OR6N1: variants seen among roughly 807,000 people sequenced by gnomAD.
OR6N1 encodes olfactory receptor family 6 subfamily N member 1, also known as olfactory receptor 6N1.
For synonymous variants in OR6N1, 170 were observed against 150.7 expected, an observed-to-expected ratio of 1.13 and a Z score of -0.94; for missense variants, 394 against 371.7, an observed-to-expected ratio of 1.06 and a Z score of -0.49.
chr1:158,788,451 TA>T, the OR6N1 span, among the ~76,000 whole-genome samples: 1 of 152,170 alleles, frequency 6.6e-6, no homozygotes, highest in Non-Finnish European at 1.5e-5. Context: ...CATGTATTTA[TA>T]TTTTTAATAT....
chr1:158,780,479 G>A, the OR6N1 span, among the ~76,000 whole-genome samples: 3 of 152,222 alleles, frequency 2.0e-5, no homozygotes, highest in South Asian at 2.1e-4. Context: ...GATGCTCCTC[G>A]ACTTACAAAG....
At chr1:158,824,415 G>T in the OR6N1 span, among the ~76,000 whole-genome samples, 1 of 152,176 alleles carries the variant, frequency 6.6e-6, no homozygotes, top group South Asian at 2.1e-4. Context: ...TTTATTAGCA[G>T]CATGAAAACG....
the OR6N1 span, among the ~76,000 whole-genome samples, chr1:158,803,675 G>A: frequency 6.6e-6 from 1 of 152,206 alleles, no homozygotes; most frequent in Non-Finnish European, 1.5e-5. Flanking sequence ...GGCATTGACT[G>A]AATAAATTAC....
chr1:158,766,741 T>C, intron 1 of OR6N1, 41 bp from the exon 2 acceptor site: 2 of 1,310,198 alleles, frequency 1.5e-6, no homozygotes, highest in South Asian at 1.4e-5. Context: ...AAAGTTGAAC[T>C]ATAGGGTTCT....
At chr1:158,791,261 T>C in the OR6N1 span, among the ~76,000 whole-genome samples, 1 of 152,204 alleles carries the variant, frequency 6.6e-6, no homozygotes, top group African/African-American at 2.4e-5. Context: ...CTTTTAGCAC[T>C]GTGTTTGCTC....
At chr1:158,808,032 C>G in the OR6N1 span, among the ~76,000 whole-genome samples, 1 of 151,160 alleles carries the variant, frequency 6.6e-6, no homozygotes, top group Admixed American at 6.6e-5. Flanking sequence ...AGCCAACCAG[C>G]TGATTCTCAC....
At chr1:158,793,449 A>T in the OR6N1 span, among the ~76,000 whole-genome samples, 1 of 152,048 alleles carries the variant, frequency 6.6e-6, no homozygotes, top group East Asian at 1.9e-4. Flanking sequence ...TGAGTTTTTT[A>T]AATTTATATT....
chr1:158,815,362 T>C, the OR6N1 span, among the ~76,000 whole-genome samples: 1 of 152,280 alleles, frequency 6.6e-6, no homozygotes, highest in African/African-American at 2.4e-5. Flanking sequence ...TGTCAATTAA[T>C]GTGAGCCAAG....
the OR6N1 span, among the ~76,000 whole-genome samples, chr1:158,803,552 C>T: frequency 6.6e-6 from 1 of 152,136 alleles, no homozygotes; most frequent in East Asian, 1.9e-4. Flanking sequence ...TTTATTCCTC[C>T]CTATATCACA....
In OR6N1 at chr1:158,766,296, G is replaced by C. The variant is rs776813334; in HGVS notation, c.387C>G (p.Pro129=). 1.9e-6 allele frequency: 3 copies of C among 1,613,936 alleles called. No homozygotes were observed. The East Asian group carries it at 6.7e-5, about 36-fold the overall frequency. Residue 129 remains proline (P), a synonymous_variant, in exon 2 of 2, where the codon CCC becomes CCG. Coordinates refer to ENST00000641846, the MANE Select transcript of OR6N1 (RefSeq NM_001005185.2). ...GGGTCATGAGGGTTGGGTAGTGGAGGGGCCGGCAGATGGCTAAATACCTAT... is the reference window on the plus strand; with the variant it reads ...GGGTCATGAGGGTTGGGTAGTGGAGCGGCCGGCAGATGGCTAAATACCTAT... The part of the protein sequence containing the change: ...AYDRYLAICR[P]LHYPTLMTPT...
the OR6N1 span, among the ~76,000 whole-genome samples, chr1:158,824,994 G>A: frequency 6.6e-6 from 1 of 152,158 alleles, no homozygotes; most frequent in Admixed American, 6.6e-5. Context: ...AAGAGTTTCT[G>A]CACAGCAAAA....
chr1:158,773,872 T>C (rs1312715081), upstream of OR6N1, among the ~76,000 whole-genome samples: 4 of 152,206 alleles, frequency 2.6e-5, no homozygotes, highest in African/African-American at 7.2e-5. Flanking sequence ...TGTATATTAC[T>C]GATTAAATCT....
chr1:158,779,236 C>A, the OR6N1 span, among the ~76,000 whole-genome samples: 19 of 152,026 alleles, frequency 1.2e-4, no homozygotes, highest in Middle Eastern at 3.2e-3. Flanking sequence ...ATTCACAATG[C>A]AACTTTAAAT....
chr1:158,801,233 G>T, the OR6N1 span, among the ~76,000 whole-genome samples: 1 of 151,932 alleles, frequency 6.6e-6, no homozygotes, highest in Admixed American at 6.6e-5. Context: ...AAAAAGGTGG[G>T]GGTGGCGGTG....
chr1:158,777,546 C>T, the OR6N1 span: 6,100 of 1,614,072 alleles, frequency 3.8e-3, 202 homozygotes, highest in African/African-American at 0.07. Context: ...CCAATAGCAG[C>T]AGGACAAAAA....
the OR6N1 span, among the ~76,000 whole-genome samples, chr1:158,830,041 A>C: frequency 6.6e-6 from 1 of 152,316 alleles, no homozygotes; most frequent in South Asian, 2.1e-4. Context: ...GGTCCCTTCC[A>C]CAACACGTGG....
the OR6N1 span, chr1:158,777,393 C>T: frequency 1.2e-6 from 2 of 1,614,168 alleles, no homozygotes; most frequent in East Asian, 4.5e-5. Context: ...TATTAGACAA[C>T]ATCTTAGGGA....
rs1490909047 is a variant in OR6N1, at chr1:158,768,785, C to A, written c.-18-2085G>T. Among the ~76,000 whole-genome samples, 14 of 152,324 alleles carry A rather than the reference C, an allele frequency of 9.2e-5. No individual in the cohort carries two copies. In the East Asian group the frequency reaches 2.5e-3, roughly 27 times the overall value. ...CTACCTGGGCCACCCTATATAACTG[C>A]AGTGTGCCTCCATCCTTACATCCAT... On this transcript the variant is annotated intron_variant, in intron 1 of 1. Coordinates refer to ENST00000641846, the MANE Select transcript of OR6N1 (RefSeq NM_001005185.2).
the OR6N1 span, among the ~76,000 whole-genome samples, chr1:158,816,895 C>A: frequency 6.6e-6 from 1 of 152,188 alleles, no homozygotes; most frequent in Non-Finnish European, 1.5e-5. Flanking sequence ...AGCAGTCATC[C>A]ACTGCCAGTG....
Sources: gnomAD v4.1 joint callset for allele counts (sites outside exome capture counted in the v4.1 genomes callset) on GRCh38, gnomAD v4.1.1 for gene constraint, MANE v1.5 for transcripts, NCBI Gene and HGNC (gene_info 2026-07-23, HGNC 2026-07-21) for gene names.